The following TEP1 variants were observed in gnomAD, a reference collection of about 807,000 sequenced individuals.
TEP1 encodes the protein telomerase protein component 1.
A neutral mutation model predicts 306.3 loss-of-function variants in TEP1; 241 were observed. The ratio of observed to expected loss-of-function variants is 0.79; its 90% CI spans 0.71 to 0.88. The LOEUF (loss-of-function observed/expected upper bound fraction) is 0.88, where lower values mean the gene tolerates loss of function less well. Among genes scored for constraint, TEP1 ranks in the 40% least tolerant of loss-of-function variants. TEP1 has a pLI of 0.00. For synonymous variants in TEP1, 1,289 were observed against 1,305.5 expected, an observed-to-expected ratio of 0.99 and a Z score of 0.27; for missense variants, 3,051 against 3,276.1, an observed-to-expected ratio of 0.93 and a Z score of 1.68.
chr14:20,412,893 C>T (rs1879785383), intron 1 of TEP1, among the ~76,000 whole-genome samples: 1 of 151,916 alleles, frequency 6.6e-6, no homozygotes. Flanking sequence ...CTCCTGACCT[C>T]AGGTGATCCC....
chr14:20,373,410 G>A lies in TEP1; in HGVS notation c.6682-8C>T. ...GGTGTGGGTTTGGCACACCTAGGAG[G>A]AAGGGATGGAGATGGGCTCATGAGA... On this transcript the variant is annotated splice_polypyrimidine_tract_variant and splice_region_variant and intron_variant, in intron 46 of 54. Transcript: ENST00000262715. 2 of 1,614,160 alleles carry A rather than the reference G, an allele frequency of 1.2e-6. No individual in the cohort carries two copies. Among genetic ancestry groups the A allele is most frequent in the Non-Finnish European group, 8.5e-7 (1 of 1,180,012 alleles).
Position 20,381,764 on chromosome 14 carries a change from T to A in TEP1, c.4425-78A>T. ...CTTCCTGGCACACAGTGGGCTCCTATTCCCCCCTCAAATAGCGGAAACTGG... is the reference window on the plus strand; with the variant it reads ...CTTCCTGGCACACAGTGGGCTCCTAATCCCCCCTCAAATAGCGGAAACTGG... On this transcript the variant is annotated intron_variant, in intron 30 of 54. Coordinates refer to ENST00000262715, the MANE Select transcript of TEP1 (RefSeq NM_007110.5). This position sits in a 1 kb window ranked among gnomAD's most constrained non-coding sequence, Gnocchi z 4.0. 1 of 1,534,618 alleles carries A rather than the reference T, an allele frequency of 6.5e-7. No individual in the cohort carries two copies. Among genetic ancestry groups the A allele is most frequent in the South Asian group, 1.3e-5 (1 of 77,970 alleles).
chr14:20,378,329 C>A, intron 38 of TEP1, 51 bp downstream of exon 38: 1 of 1,612,880 alleles, frequency 6.2e-7, no homozygotes, highest in Non-Finnish European at 8.5e-7. Context: ...CTGCCACCCT[C>A]CACTCCTGTC....
intron 27 of TEP1, 45 bp from the exon 28 acceptor site, chr14:20,382,760 G>A (rs779089432): frequency 1.3e-5 from 21 of 1,584,882 alleles, no homozygotes; most frequent in Admixed American, 1.7e-5. Flanking sequence ...AGGGCTGCCC[G>A]CAGCCAGCCC....
chr14:20,382,555 A>G, intron 28 of TEP1, 68 bp downstream of exon 28: 1 of 1,591,480 alleles, frequency 6.3e-7, no homozygotes, highest in East Asian at 2.2e-5. Flanking sequence ...TGGGATAGGG[A>G]TGAGACAAAG....
At position 20,381,542 on chromosome 14, in the gene TEP1, G is replaced by A. The variant is rs749437260; in HGVS notation, c.4558+11C>T. 17 of 1,613,272 alleles carry A rather than the reference G, an allele frequency of 1.1e-5. No individual in the cohort carries two copies. In the African/African-American group the frequency reaches 2.3e-4, roughly 22 times the overall value. On this transcript the variant is annotated intron_variant, in intron 31 of 54. Coordinates refer to ENST00000262715, the MANE Select transcript of TEP1 (RefSeq NM_007110.5). The surrounding 1 kb of genome is among the most constrained non-coding windows in gnomAD (Gnocchi z 4.0). The stretch of plus-strand genomic sequence containing the variant: ...ACACTCAGTGCCCAGGCTGACTTGG[G>A]CTGCAATCACCTGCAATGAGGATGT...
In TEP1 at chr14:20,380,420, A is replaced by G. The variant is rs1264580850; in HGVS notation, c.4818T>C (p.Phe1606=). The G allele has an allele frequency of 5.0e-6, 8 of 1,614,042 alleles. No individual in the cohort carries two copies. Among genetic ancestry groups the G allele is most frequent in the Non-Finnish European group, 6.8e-6 (8 of 1,180,054 alleles). ...QKLPEADVAV[F]RTFLRQQASI... is the part of the protein sequence containing the mutation. Reference sequence around the variant, plus strand: ...AAGCCTGCTGCCTCAGGAAGGTGCGAAACACTGCAACGTCAGCCTCGGGGA... The same window carrying G: ...AAGCCTGCTGCCTCAGGAAGGTGCGGAACACTGCAACGTCAGCCTCGGGGA... Residue 1606 remains phenylalanine (F), a synonymous_variant, in exon 34 of 55, where the codon TTT becomes TTC. Coordinates refer to ENST00000262715, the MANE Select transcript of TEP1 (RefSeq NM_007110.5).
intron 9 of TEP1, among the ~76,000 whole-genome samples, chr14:20,399,106 T>G (rs1878453709): frequency 6.6e-6 from 1 of 152,212 alleles, no homozygotes; most frequent in East Asian, 1.9e-4. Context: ...TTGCTCAGGC[T>G]GGTCTCAAAC....
At chr14:20,406,483 C>G in intron 2 of TEP1, 83 bp from the exon 3 acceptor site, 1 of 1,463,960 alleles carries the variant, frequency 6.8e-7, no homozygotes, top group Non-Finnish European at 9.4e-7. Context: ...AGCACCAGGC[C>G]ACGGGAAAAG....
rs866443408 is a variant in TEP1, at chr14:20,377,306, G to A, written c.6062C>T (p.Ser2021Phe). Residue 2021 changes from serine to phenylalanine, a missense_variant, in exon 41 of 55, where the codon TCC becomes TTC. Around this residue, in one of 3 missense-constraint regions of TEP1, gnomAD observed 1,540 missense variants for 1,705.9 expected, o/e 0.90. Transcript: ENST00000262715. ...TGAGGCAGAAGCCAAGAGCTCCTGGGAAGTGGCCAGTCCTAGCACAGGCTT... is the reference window on the plus strand; with the variant it reads ...TGAGGCAGAAGCCAAGAGCTCCTGGAAAGTGGCCAGTCCTAGCACAGGCTT... ...FQKPVLGLAT[S>F]QELLASASED... is the part of the protein sequence containing the mutation. 4 of 1,613,550 alleles carry A rather than the reference G, an allele frequency of 2.5e-6. No homozygotes were observed. The highest frequency in any genetic ancestry group is 1.7e-5 in the Admixed American group (1 of 59,986).
intron 44 of TEP1, among the ~76,000 whole-genome samples, chr14:20,374,128 C>T (rs999356367): frequency 9.9e-5 from 15 of 151,102 alleles, no homozygotes; most frequent in Non-Finnish European, 2.1e-4. Context: ...CACTCTGTTA[C>T]ACTGGAGGCT....
At chr14:20,398,004 C>T (rs1380441946) in intron 9 of TEP1, among the ~76,000 whole-genome samples, 2 of 151,962 alleles carry the variant, frequency 1.3e-5, no homozygotes, top group African/African-American at 2.4e-5. Flanking sequence ...CTGCCTGCCT[C>T]GGCCTCCCAA....
chr14:20,371,599 T>C lies in TEP1; in HGVS notation c.7110A>G (p.Leu2370=). 1 of 1,590,616 alleles carries C rather than the reference T, an allele frequency of 6.3e-7. No homozygotes were observed. Among genetic ancestry groups the C allele is most frequent in the Non-Finnish European group, 8.5e-7 (1 of 1,174,744 alleles). The stretch of plus-strand genomic sequence containing the variant: ...CCCAATCCAGACTTGTCAGCACCCC[T>C]AAGTCCTCCTGTAGAATTCGGTTCA... The part of the protein sequence containing the change: ...LHLNRILQED[L]GVLTSLDWAP... Residue 2370 remains leucine, a synonymous_variant, in exon 50 of 55, where the codon TTA becomes TTG. Transcript: ENST00000262715.
chr14:20,396,202 C>A (rs1434038186), intron 10 of TEP1, among the ~76,000 whole-genome samples: 2 of 152,232 alleles, frequency 1.3e-5, no homozygotes, highest in Non-Finnish European at 2.9e-5. Flanking sequence ...GGTGTGGTAG[C>A]TCACGCCTGT....
At chr14:20,412,739 ATC>A (rs1879773491) in intron 1 of TEP1, among the ~76,000 whole-genome samples, 1 of 139,434 alleles carries the variant, frequency 7.2e-6, no homozygotes, top group Non-Finnish European at 1.5e-5. Context: ...GCTCACTGCA[ATC>A]TCTGCCTGCC....
rs780747097 is a variant in TEP1, at chr14:20,381,652, C to T, written c.4459G>A (p.Ala1487Thr). ...GGCCCATCAGGGAGGCACAGCCGGGCACCAGGGCGCTCCAGAGGGCCCTCC... is the reference window on the plus strand; with the variant it reads ...GGCCCATCAGGGAGGCACAGCCGGGTACCAGGGCGCTCCAGAGGGCCCTCC... ...LGEGPLERPG[A>T]RLCLPDGPLR... Residue 1487 changes from alanine to threonine, a missense_variant, in exon 31 of 55, where the codon GCC becomes ACC. Ala to Thr is a moderately conservative substitution (Grantham distance 58). This residue lies in a region of TEP1 where 1,540 missense variants were observed against 1,705.9 expected (regional missense o/e 0.90). Coordinates refer to ENST00000262715, the MANE Select transcript of TEP1 (RefSeq NM_007110.5). The surrounding 1 kb of genome is among the most constrained non-coding windows in gnomAD (Gnocchi z 4.0). 3 of 1,612,854 alleles carry T rather than the reference C, an allele frequency of 1.9e-6. No homozygotes were observed.
chr14:20,385,663 G>C (rs1877081939), intron 20 of TEP1, among the ~76,000 whole-genome samples: 1 of 152,228 alleles, frequency 6.6e-6, no homozygotes, highest in Non-Finnish European at 1.5e-5. Flanking sequence ...GTGAGCCACT[G>C]CACCTGGCCC....
chr14:20,396,772 G>A (rs769561907), intron 9 of TEP1, 42 bp from the exon 10 acceptor site: 53 of 1,437,524 alleles, frequency 3.7e-5, no homozygotes, highest in Non-Finnish European at 2.9e-6. Flanking sequence ...CAAATGAGAA[G>A]GCCAGGCACA....
chr14:20,377,686 G>A lies in TEP1; in HGVS notation c.5789C>T (p.Ala1930Val). The change falls in exon 40 of 55, where the codon GCC (alanine) becomes GTC (valine). Residue 1930 changes from alanine (A) to valine (V), a missense_variant. Physicochemically the swap from Ala to Val is moderately conservative, Grantham distance 64. Coordinates refer to ENST00000262715, the MANE Select transcript of TEP1 (RefSeq NM_007110.5). ...ATCTGGGCTGAGTGCCACAGAGAGG[G>A]CAGGAGAGAGAGAAAGGGAACCCAG... is the stretch of plus-strand genomic sequence containing the variant. ...GHLGSLSLSP[A>V]LSVALSPDGD... The A allele has an allele frequency of 6.2e-7, 1 of 1,614,100 alleles. No homozygotes were observed. The highest frequency in any genetic ancestry group is 8.5e-7 in the Non-Finnish European group (1 of 1,180,020).
Sources: allele counts gnomAD v4.1 joint callset (sites outside exome capture counted in the v4.1 genomes callset), GRCh38; gene constraint gnomAD v4.1.1; regional missense constraint gnomAD v4.1.1; non-coding constraint Gnocchi (gnomAD v3.1); transcripts MANE v1.5; gene names NCBI Gene and HGNC (gene_info 2026-07-23, HGNC 2026-07-21).